Variants in SIK3 observed in about 807,000 individuals in gnomAD.
The protein encoded by SIK3 is serine/threonine-protein kinase SIK3.
In SIK3, 28 loss-of-function variants were observed where a neutral mutation model predicts 144.2. The observed-to-expected ratio is 0.19, with a 90% CI of 0.14 to 0.27. The LOEUF (loss-of-function observed/expected upper bound fraction) is 0.27, where lower values mean the gene tolerates loss of function less well. Among genes scored for constraint, SIK3 ranks in the 10% least tolerant of loss-of-function variants. SIK3 has a pLI of 1.00. For missense variants in SIK3, 1,319 were observed against 1,776.0 expected (o/e 0.74, Z 4.62); for synonymous variants, 686 against 676.3 (o/e 1.01, Z -0.22).
At chr11:117,031,783 T>C (rs1324011688) in intron 1 of SIK3, among the ~76,000 whole-genome samples, 1 of 147,608 alleles carries the variant, frequency 6.8e-6, no homozygotes, top group Non-Finnish European at 1.5e-5. Context: ...CCTCAGGTGA[T>C]CCACCCACTA....
At chr11:116,940,845 A>T (rs564992252) in intron 3 of SIK3, among the ~76,000 whole-genome samples, 1 of 152,218 alleles carries the variant, frequency 6.6e-6, no homozygotes, top group South Asian at 2.1e-4. Flanking sequence ...TGATATTAAG[A>T]AAACAGAACA....
intron 1 of SIK3, among the ~76,000 whole-genome samples, chr11:117,066,217 C>T (rs750797149): frequency 6.6e-4 from 100 of 151,810 alleles, no homozygotes; most frequent in African/African-American, 1.9e-3. Context: ...TACAGGCACA[C>T]GCCACCATGT....
chr11:116,930,955 T>G (rs1210934845), intron 3 of SIK3, among the ~76,000 whole-genome samples: 2 of 152,220 alleles, frequency 1.3e-5, no homozygotes, highest in Non-Finnish European at 2.9e-5. Flanking sequence ...CAGACAGGGA[T>G]GAGGTGACTC....
chr11:116,994,641 G>C (rs997637413), intron 1 of SIK3, among the ~76,000 whole-genome samples: 29 of 152,036 alleles, frequency 1.9e-4, no homozygotes, highest in African/African-American at 6.3e-4. Context: ...TCCTCATCTT[G>C]ACCACAATCA....
At chr11:116,998,500 C>G (rs908177013) in intron 1 of SIK3, among the ~76,000 whole-genome samples, 50 of 150,842 alleles carry the variant, frequency 3.3e-4, no homozygotes, top group Non-Finnish European at 2.7e-4. Flanking sequence ...AAATTGACAA[C>G]CGCTCTTGGA....
intron 1 of SIK3, among the ~76,000 whole-genome samples, chr11:117,043,826 A>C (rs1269350515): frequency 6.6e-6 from 1 of 152,238 alleles, no homozygotes; most frequent in East Asian, 1.9e-4. Context: ...TCCTGTGTGA[A>C]ACAAAACACA....
At chr11:116,878,517 T>G (rs1290188942) in intron 6 of SIK3, among the ~76,000 whole-genome samples, 1 of 152,110 alleles carries the variant, frequency 6.6e-6, no homozygotes, top group African/African-American at 2.4e-5. Context: ...GCAGCTGGGA[T>G]TACAGGCCTG....
At chr11:117,093,327 C>G (rs1955327613) in intron 1 of SIK3, among the ~76,000 whole-genome samples, 1 of 152,188 alleles carries the variant, frequency 6.6e-6, no homozygotes. Context: ...TGAGTTTGCA[C>G]TAAACCACAC....
chr11:116,959,510 C>T (rs1949264132), intron 1 of SIK3, among the ~76,000 whole-genome samples: 1 of 152,162 alleles, frequency 6.6e-6, no homozygotes, highest in Admixed American at 6.5e-5. Context: ...CACCTCTGCC[C>T]ACCCCCTACT....
intron 1 of SIK3, among the ~76,000 whole-genome samples, chr11:117,095,092 G>A (rs1955416059): frequency 6.6e-6 from 1 of 151,030 alleles, no homozygotes; most frequent in African/African-American, 2.4e-5. Context: ...ATTTGGGAAA[G>A]GGCCAGCTTA....
intron 4 of SIK3, among the ~76,000 whole-genome samples, chr11:116,911,362 C>T (rs1374440682): frequency 1.3e-5 from 2 of 152,038 alleles, no homozygotes; most frequent in East Asian, 3.9e-4. Flanking sequence ...ACAAAATTAG[C>T]TGGGTGTGGT....
At chr11:116,984,097 T>G (rs2135527734) in intron 1 of SIK3, among the ~76,000 whole-genome samples, 1 of 150,022 alleles carries the variant, frequency 6.7e-6, no homozygotes, top group African/African-American at 2.5e-5. Context: ...CATTCAAGGT[T>G]CAAAAGAAGC....
chr11:116,866,582 C>T lies in SIK3; in HGVS notation c.1952+1364G>A, dbSNP rs182313330. Among the ~76,000 whole-genome samples the T allele has an allele frequency of 6.1e-3, 931 of 152,198 alleles. 6 individuals are homozygous for T. Among genetic ancestry groups the T allele is most frequent in the African/African-American group, 0.021 (854 of 41,512 alleles). ...TTAGCTTCCCGAGTAGCTGGGACTA[C>T]AGACGCCCACCGCCACACCCGGCTA... On this transcript the variant is annotated intron_variant, in intron 15 of 24. Coordinates refer to ENST00000445177, the MANE Select transcript of SIK3 (RefSeq NM_001366686.3).
At chr11:116,886,313 C>T (rs1944815717) in intron 6 of SIK3, among the ~76,000 whole-genome samples, 1 of 152,144 alleles carries the variant, frequency 6.6e-6, no homozygotes, top group Admixed American at 6.5e-5. Context: ...GACTCTGAGC[C>T]CCTCGGTATA....
chr11:116,996,040 G>GCAAAA (rs1950653512), intron 1 of SIK3, among the ~76,000 whole-genome samples: 2 of 152,094 alleles, frequency 1.3e-5, no homozygotes, highest in South Asian at 4.1e-4. Context: ...GGGTGCAGTG[G>GCAAAA]TTCATGCCTA....
At chr11:116,897,484 A>C (rs937552439) in intron 4 of SIK3, among the ~76,000 whole-genome samples, 167 bp from the exon 5 acceptor site, 9 of 152,372 alleles carry the variant, frequency 5.9e-5, no homozygotes, top group Middle Eastern at 6.8e-3. Context: ...TAATAGTGAA[A>C]CAGAGATATA....
In SIK3 at chr11:116,965,734, A is replaced by AATATATATACATATATATATAT. The variant is rs1949505761; in HGVS notation, c.274-8671_274-8670insATATATATATATGTATATATAT. 1.7e-5 allele frequency among the ~76,000 whole-genome samples: 2 copies of AATATATATACATATATATATAT among 118,402 alleles called. 1 individual carries two copies. The highest frequency in any genetic ancestry group is 7.4e-5 in the African/African-American group (2 of 27,108). 77.7% of individuals were successfully genotyped at this position (118,402 alleles called of 152,430 possible). On this transcript the variant is annotated intron_variant, in intron 1 of 24. Transcript: ENST00000445177. ...CATGGTGAAAACCCGTCTCTGCTAA[A>AATATATATACATATATATATAT]ATATATATATATATATATATATATA...
Position 116,858,274 on chromosome 11 carries a change from T to C in SIK3, c.3191A>G (p.Gln1064Arg), listed in dbSNP as rs776767431. 133 of 1,613,584 alleles carry C rather than the reference T, an allele frequency of 8.2e-5. No homozygotes were observed. Among genetic ancestry groups the C allele is most frequent in the Non-Finnish European group, 1.0e-4 (123 of 1,179,694 alleles). ...QQQQQQQQEY[Q>R]ELFRHMNQGD... ...TTGGTTCATGTGCCTGAACAGTTCC[T>C]GGTATTCTTGCTGTTGCTGCTGTTG... is the stretch of plus-strand genomic sequence containing the variant. The change falls in exon 21 of 25, where the codon CAG becomes CGG. Residue 1064 changes from glutamine to arginine, a missense_variant. Physicochemically the swap from Gln to Arg is conservative, Grantham distance 43. Transcript: ENST00000445177. This position sits in a 1 kb window ranked among gnomAD's most constrained non-coding sequence, Gnocchi z 5.4.
chr11:116,859,171 A>T, intron 20 of SIK3, 94 bp downstream of exon 20: 6 of 1,154,044 alleles, frequency 5.2e-6, no homozygotes, highest in African/African-American at 1.5e-5. Context: ...AGTCAGACCC[A>T]TTCTCCTTCC....
Sources: gnomAD v4.1 joint callset for allele counts (sites outside exome capture counted in the v4.1 genomes callset) on GRCh38, gnomAD v4.1.1 for gene constraint, Gnocchi (gnomAD v3.1) non-coding constraint, MANE v1.5 for transcripts, NCBI Gene and HGNC (gene_info 2026-07-23, HGNC 2026-07-21) for gene names.